Variants in NARS2 observed in about 807,000 individuals in gnomAD.
The protein encoded by NARS2 is asparaginyl-tRNA synthetase 2, mitochondrial.
Under a neutral mutation model 62.9 loss-of-function variants are expected in NARS2, and 60 were observed. The ratio of observed to expected loss-of-function variants is 0.95; its 90% CI spans 0.77 to 1.18. The LOEUF (loss-of-function observed/expected upper bound fraction) is 1.18. Ranked by LOEUF, NARS2 falls within the 50% of genes most tolerant of loss-of-function variation. The pLI is 0.00. For missense variants in NARS2, 619 were observed against 576.4 expected, an observed-to-expected ratio of 1.07 and a Z score of -0.76; for synonymous variants, 196 against 200.0, an observed-to-expected ratio of 0.98 and a Z score of 0.17.
chr11:78,480,161 T>C (rs1052874576), intron 7 of NARS2, among the ~76,000 whole-genome samples: 1 of 152,136 alleles, frequency 6.6e-6, no homozygotes, highest in Non-Finnish European at 1.5e-5. Flanking sequence ...CAGCCTCCCA[T>C]AGTACGAGGA....
At chr11:78,486,160 C>G (rs1859565280) in intron 7 of NARS2, among the ~76,000 whole-genome samples, 1 of 152,148 alleles carries the variant, frequency 6.6e-6, no homozygotes, top group African/African-American at 2.4e-5. Context: ...CAGGAGTGAG[C>G]CACTGCACCC....
intron 7 of NARS2, among the ~76,000 whole-genome samples, chr11:78,485,745 G>A (rs540907991): frequency 6.6e-6 from 1 of 152,196 alleles, no homozygotes; most frequent in South Asian, 2.1e-4. Flanking sequence ...CCCAGTTGTG[G>A]AGTGGCACTG....
intron 6 of NARS2, among the ~76,000 whole-genome samples, chr11:78,494,469 C>CTTTTTTTT (rs11437113): frequency 1.1e-4 from 14 of 133,188 alleles, no homozygotes; most frequent in East Asian, 2.2e-4. Context: ...TTTTCTTTTT[C>CTTTTTTTT]TTTTTTTTTT....
chr11:78,481,758 T>C (rs1174956389), intron 7 of NARS2, among the ~76,000 whole-genome samples: 1 of 152,220 alleles, frequency 6.6e-6, no homozygotes, highest in East Asian at 1.9e-4. Flanking sequence ...TGTTAGAACA[T>C]TCTGATTTAA....
At chr11:78,508,638 GA>G (rs1860598051) in intron 6 of NARS2, among the ~76,000 whole-genome samples, 1 of 151,432 alleles carries the variant, frequency 6.6e-6, no homozygotes, top group African/African-American at 2.4e-5. Context: ...AATAATGGCT[GA>G]AAACTTTCCA....
At chr11:78,459,054 A>C (rs1858283130) in intron 11 of NARS2, among the ~76,000 whole-genome samples, 1 of 151,992 alleles carries the variant, frequency 6.6e-6, no homozygotes, top group Non-Finnish European at 1.5e-5. Flanking sequence ...AGCTGGGACT[A>C]CAGGTGCCTG....
At chr11:78,547,046 C>T (rs930686874) in intron 5 of NARS2, among the ~76,000 whole-genome samples, 4 of 152,194 alleles carry the variant, frequency 2.6e-5, no homozygotes, top group African/African-American at 4.8e-5. Flanking sequence ...CTATACATTT[C>T]GTGGCTGGGT....
chr11:78,438,794 G>A (rs1218299890), intron 13 of NARS2, among the ~76,000 whole-genome samples: 1 of 152,098 alleles, frequency 6.6e-6, no homozygotes, highest in Non-Finnish European at 1.5e-5. Context: ...AGCCATCTGG[G>A]GTGGCTTCTC....
intron 5 of NARS2, among the ~76,000 whole-genome samples, chr11:78,540,571 C>G (rs1323708711): frequency 6.6e-6 from 1 of 152,206 alleles, no homozygotes; most frequent in Non-Finnish European, 1.5e-5. Context: ...TACCCTACCC[C>G]CACCTTTTAC....
intron 5 of NARS2, among the ~76,000 whole-genome samples, chr11:78,552,409 T>C (rs981054613): frequency 6.6e-6 from 1 of 152,178 alleles, no homozygotes; most frequent in Non-Finnish European, 1.5e-5. Context: ...GGCACTTAGG[T>C]TGACTCCGTA....
At chr11:78,551,845 T>C (rs1332916119) in intron 5 of NARS2, among the ~76,000 whole-genome samples, 2 of 151,568 alleles carry the variant, frequency 1.3e-5, no homozygotes, top group East Asian at 1.9e-4. Context: ...GAGCGAGACT[T>C]TGTCTCAAAA....
In NARS2 at chr11:78,441,123, TAAAGGAAAATAA is replaced by T. The variant is rs759647429; in HGVS notation, c.1263-18_1263-7del. ...AGACTTCTGTAAGTCCCGATCTGTT[TAAAGGAAAATAA>T]AATTCTTTCAGGGAACGGCAATAAG... is the stretch of plus-strand genomic sequence containing the variant. On this transcript the variant is annotated splice_region_variant and splice_polypyrimidine_tract_variant and intron_variant, in intron 12 of 13. Coordinates refer to ENST00000281038, the MANE Select transcript of NARS2 (RefSeq NM_024678.6). 1.2e-6 allele frequency: 2 copies of T among 1,608,202 alleles called. No homozygotes were observed. Among genetic ancestry groups the T allele is most frequent in the Non-Finnish European group, 1.7e-6 (2 of 1,177,352 alleles).
chr11:78,513,143 G>A (rs1484658499), intron 6 of NARS2, among the ~76,000 whole-genome samples: 2 of 152,040 alleles, frequency 1.3e-5, no homozygotes, highest in African/African-American at 4.8e-5. Flanking sequence ...CCAGCTACTC[G>A]GGAGTCTAAG....
chr11:78,539,641 T>C (rs1457473552), intron 5 of NARS2, among the ~76,000 whole-genome samples: 5 of 152,194 alleles, frequency 3.3e-5, no homozygotes. Context: ...GATGGTATGG[T>C]ACATAAAGCC....
intron 6 of NARS2, among the ~76,000 whole-genome samples, chr11:78,503,022 G>C (rs185624381): frequency 6.8e-6 from 1 of 147,990 alleles, no homozygotes; most frequent in East Asian, 2.0e-4. Flanking sequence ...GTTGAATGAC[G>C]AGATTGTCTA....
intron 5 of NARS2, among the ~76,000 whole-genome samples, chr11:78,554,104 T>C (rs1477985452): frequency 6.6e-6 from 1 of 152,240 alleles, no homozygotes; most frequent in African/African-American, 2.4e-5. Flanking sequence ...TCTATGTGCC[T>C]GTTTTTGTAC....
rs549252096 is a variant in NARS2 at position 78,557,775 on chromosome 11, G to GAT, written c.594+1762_594+1763dup. Among the ~76,000 whole-genome samples, 523 of 148,038 alleles carry GAT rather than the reference G, an allele frequency of 3.5e-3. 2 individuals are homozygous for GAT. Among genetic ancestry groups the GAT allele is most frequent in the African/African-American group, 0.012 (501 of 40,698 alleles). ...TTGTCTTAGGTTATTTAGAGGTCAA[G>GAT]ATATATATATAAAATATGTATATAT... On this transcript the variant is annotated intron_variant, in intron 5 of 13. Transcript: ENST00000281038.
rs1367741605 is a variant in NARS2, at chr11:78,574,367, C to T, written c.122G>A (p.Gly41Glu). Residue 41 changes from glycine to glutamate, a missense_variant, in exon 1 of 14, where the codon GGG (glycine) becomes GAG (glutamate). Coordinates refer to ENST00000281038, the MANE Select transcript of NARS2 (RefSeq NM_024678.6). ...RDALGAQNASGERIKIQGWIR... is the reference protein window; with the variant it reads ...RDALGAQNASEERIKIQGWIR... ...ACCAACCTGGATCTTAATGCGCTCC[C>T]CACTCGCGTTCTGAGCCCCGAGAGC... The T allele has an allele frequency of 5.0e-6, 8 of 1,614,116 alleles. No individual in the cohort carries two copies. The Admixed American group carries it at 1.3e-4, about 27-fold the overall frequency.
intron 1 of NARS2, among the ~76,000 whole-genome samples, chr11:78,572,852 TTC>T (rs1289596588): frequency 6.6e-6 from 1 of 152,218 alleles, no homozygotes; most frequent in Non-Finnish European, 1.5e-5. Flanking sequence ...ATATTTTGCA[TTC>T]TTTTTGGTTC....
Sources: allele counts gnomAD v4.1 joint callset (sites outside exome capture counted in the v4.1 genomes callset), GRCh38; gene constraint gnomAD v4.1.1; transcripts MANE v1.5; gene names NCBI Gene and HGNC (gene_info 2026-07-23, HGNC 2026-07-21).